LRP1B: variants seen among roughly 807,000 people sequenced by gnomAD.
LRP1B encodes the protein low-density lipoprotein receptor-related protein 1B.
In LRP1B, 217 loss-of-function variants were observed where a neutral mutation model predicts 556.6. The ratio of observed to expected loss-of-function variants is 0.39; its 90% CI spans 0.35 to 0.44. LRP1B has a LOEUF of 0.44. Ranked by LOEUF, LRP1B falls within the 20% of genes least tolerant of loss-of-function variation. LRP1B has a pLI of 1.00. For synonymous variants in LRP1B, 2,047 were observed against 1,865.8 expected, an observed-to-expected ratio of 1.10 and a Z score of -2.50; for missense variants, 5,053 against 5,620.8, an observed-to-expected ratio of 0.90 and a Z score of 3.23.
chr2:141,145,756 C>T (rs568596321), intron 7 of LRP1B, among the ~76,000 whole-genome samples: 1 of 151,992 alleles, frequency 6.6e-6, no homozygotes, highest in South Asian at 2.1e-4. Context: ...TGGTCTCATA[C>T]TCCTGACCTC....
At chr2:141,723,049 T>C (rs1692895356) in intron 2 of LRP1B, among the ~76,000 whole-genome samples, 2 of 151,426 alleles carry the variant, frequency 1.3e-5, no homozygotes, top group African/African-American at 4.8e-5. Flanking sequence ...TTTATTTATA[T>C]AATAGAGCTG....
rs533220892 is a variant in LRP1B at position 141,183,946 on chromosome 2, A to G, written c.1013+4475T>C. ...TCTCCTCTTGTTGAATACTTTTGCA[A>G]CAAGTTCACACTCATAGTGAAATGC... On this transcript the variant is annotated intron_variant, in intron 7 of 90. Coordinates refer to ENST00000389484, the MANE Select transcript of LRP1B (RefSeq NM_018557.3). Among the ~76,000 whole-genome samples, 254 of 152,168 alleles carry G rather than the reference A, an allele frequency of 1.7e-3. 1 individual carries two copies. The highest frequency in any genetic ancestry group is 3.0e-3 in the Non-Finnish European group (207 of 67,976).
rs1689717276 is a variant in LRP1B, at chr2:141,383,546, C to T, written c.343+96850G>A. 2.0e-5 allele frequency among the ~76,000 whole-genome samples: 3 copies of T among 152,036 alleles called. No individual in the cohort carries two copies. In the South Asian group the frequency reaches 6.2e-4, roughly 31 times the overall value. ...ATGATGTGATTATGTCCTGAAGAAACCATTGTAAGTAGAAAATATTATGTC... is the reference window on the plus strand; with the variant it reads ...ATGATGTGATTATGTCCTGAAGAAATCATTGTAAGTAGAAAATATTATGTC... On this transcript the variant is annotated intron_variant, in intron 3 of 90. Coordinates refer to ENST00000389484, the MANE Select transcript of LRP1B (RefSeq NM_018557.3).
intron 41 of LRP1B, among the ~76,000 whole-genome samples, chr2:140,647,511 A>G (rs1254144283): frequency 6.6e-6 from 1 of 152,176 alleles, no homozygotes; most frequent in Non-Finnish European, 1.5e-5. Context: ...GTTATTAACA[A>G]TCATCAGATC....
chr2:140,595,198 T>G (rs900493249), intron 43 of LRP1B, among the ~76,000 whole-genome samples: 4 of 147,744 alleles, frequency 2.7e-5, no homozygotes, highest in Non-Finnish European at 4.5e-5. Context: ...TAATATTTTG[T>G]TATAGCAGCT....
intron 1 of LRP1B, among the ~76,000 whole-genome samples, chr2:141,930,505 G>A (rs1448463413): frequency 6.6e-6 from 1 of 151,924 alleles, no homozygotes; most frequent in East Asian, 1.9e-4. Context: ...TTAGTGAACT[G>A]CCACACTGAT....
intron 12 of LRP1B, 42 bp from the exon 13 acceptor site, chr2:141,015,957 A>G (rs765013400): frequency 1.4e-6 from 2 of 1,414,916 alleles, no homozygotes; most frequent in East Asian, 2.3e-5. Flanking sequence ...ACATGTTATT[A>G]CAACCAGCCA....
Position 140,990,698 on chromosome 2 carries a change from C to A in LRP1B, c.2645-1041G>T, listed in dbSNP as rs139051635. Among the ~76,000 whole-genome samples the A allele has an allele frequency of 3.5e-3, 527 of 152,190 alleles. 3 individuals are homozygous for A. Among genetic ancestry groups the A allele is most frequent in the African/African-American group, 0.012 (510 of 41,556 alleles). On this transcript the variant is annotated intron_variant, in intron 16 of 90. Coordinates refer to ENST00000389484, the MANE Select transcript of LRP1B (RefSeq NM_018557.3). Reference sequence around the variant, plus strand: ...TTAAACTTCCAATATCCAAGCACAACAGGAGGGCCATCTTAATGTTAACCT... The same window carrying A: ...TTAAACTTCCAATATCCAAGCACAAAAGGAGGGCCATCTTAATGTTAACCT...
chr2:141,183,480 C>T lies in LRP1B; in HGVS notation c.1013+4941G>A, dbSNP rs577547333. Among the ~76,000 whole-genome samples the T allele has an allele frequency of 2.0e-5, 3 of 152,132 alleles. No individual in the cohort carries two copies. The South Asian group carries it at 6.2e-4, about 32-fold the overall frequency. On this transcript the variant is annotated intron_variant, in intron 7 of 90. Transcript: ENST00000389484. ...GGTTTTTTAAACTCTTCAATACTGT[C>T]AATCATTCTTGTGTGAATTTAACTT...
At chr2:140,900,431 C>G (rs914933479) in intron 23 of LRP1B, among the ~76,000 whole-genome samples, 1 of 152,174 alleles carries the variant, frequency 6.6e-6, no homozygotes, top group Admixed American at 6.5e-5. Context: ...TTCAGCCTCT[C>G]AAGCCAATTA....
chr2:140,716,328 T>C (rs1687208249), intron 36 of LRP1B, among the ~76,000 whole-genome samples: 1 of 152,078 alleles, frequency 6.6e-6, no homozygotes, highest in Non-Finnish European at 1.5e-5. Context: ...TAATGATATA[T>C]TTACATGGTA....
intron 35 of LRP1B, among the ~76,000 whole-genome samples, chr2:140,718,194 G>T (rs1015524270): frequency 6.6e-6 from 1 of 151,870 alleles, no homozygotes; most frequent in Non-Finnish European, 1.5e-5. Context: ...AATTCTCAAT[G>T]AAATATGCTT....
chr2:140,598,107 A>T (rs1682514518), intron 43 of LRP1B, among the ~76,000 whole-genome samples: 1 of 152,208 alleles, frequency 6.6e-6, no homozygotes, highest in African/African-American at 2.4e-5. Context: ...CTCAAGGGAT[A>T]GCATAGCAAC....
intron 3 of LRP1B, among the ~76,000 whole-genome samples, chr2:141,415,304 C>T (rs1295991053): frequency 1.3e-5 from 2 of 152,186 alleles, no homozygotes; most frequent in Admixed American, 6.5e-5. Flanking sequence ...TGAGCCACCA[C>T]GCCCGGCCTC....
chr2:140,674,475 A>T (rs1426916805), intron 41 of LRP1B, among the ~76,000 whole-genome samples: 3 of 152,142 alleles, frequency 2.0e-5, no homozygotes. Context: ...TTCTTAACCC[A>T]GACACTCCTT....
intron 2 of LRP1B, among the ~76,000 whole-genome samples, chr2:141,509,317 A>G (rs1009977598): frequency 6.6e-6 from 1 of 152,102 alleles, no homozygotes; most frequent in African/African-American, 2.4e-5. Flanking sequence ...CAGGCTAGAG[A>G]ACTGTCAAGG....
intron 11 of LRP1B, among the ~76,000 whole-genome samples, chr2:141,029,397 T>G (rs183020181): frequency 6.6e-6 from 1 of 152,276 alleles, no homozygotes; most frequent in East Asian, 1.9e-4. Context: ...CTGTACATTC[T>G]TGCTGAGTTT....
intron 43 of LRP1B, among the ~76,000 whole-genome samples, chr2:140,557,717 A>T (rs565562696): frequency 1.2e-4 from 19 of 152,186 alleles, no homozygotes; most frequent in Non-Finnish European, 1.0e-4. Context: ...TCTTCCCCAA[A>T]ATATTCACAC....
intron 43 of LRP1B, among the ~76,000 whole-genome samples, chr2:140,587,911 CAG>C (rs145934037): frequency 0.14 from 21,091 of 151,888 alleles, 1,938 homozygotes; most frequent in African/African-American, 0.25. Context: ...TCAGAAATCA[CAG>C]AGAACAGAAA....
Sources: allele counts gnomAD v4.1 joint callset (sites outside exome capture counted in the v4.1 genomes callset), GRCh38; gene constraint gnomAD v4.1.1; transcripts MANE v1.5; gene names NCBI Gene and HGNC (gene_info 2026-07-23, HGNC 2026-07-21).